Variants in INSL6 observed in about 807,000 individuals in gnomAD.
The protein encoded by INSL6 is insulin like 6, also known as insulin-like peptide INSL6.
INSL6 carries 16 observed loss-of-function variants against 9.4 expected under a neutral mutation model. The observed-to-expected ratio is 1.70, with a 90% CI of 1.15 to 2.59. INSL6 has a LOEUF of 2.59. INSL6 is among the 30% of genes most tolerant of loss of function. The probability of loss-of-function intolerance (pLI) is 0.00; values close to 1 mark genes in which losing one functional copy is unlikely to be tolerated. For missense variants in INSL6, 391 were observed against 257.3 expected (o/e 1.52, Z -3.56); for synonymous variants, 154 against 96.9 (o/e 1.59, Z -3.46).
At chr9:5,138,699 C>T (rs183029404) in intron 2 of INSL6, among the ~76,000 whole-genome samples, 84 of 148,920 alleles carry the variant, frequency 5.6e-4, no homozygotes, top group African/African-American at 1.6e-3. Context: ...CCTGCACTTT[C>T]GGTACATGTA....
chr9:5,163,762 A>G, downstream of INSL6: 2 of 601,440 alleles, frequency 3.3e-6, no homozygotes, highest in Non-Finnish European at 5.8e-6. Flanking sequence ...AAATACTAAG[A>G]TACCTATTAC....
intron 1 of INSL6, among the ~76,000 whole-genome samples, chr9:5,177,016 A>G (rs961386852): frequency 4.9e-4 from 75 of 152,338 alleles, no homozygotes; most frequent in African/African-American, 1.7e-3. Flanking sequence ...AGAATAGAAT[A>G]TAAGTAATTT....
downstream of INSL6, among the ~76,000 whole-genome samples, chr9:5,162,318 A>G (rs1333222228): frequency 3.9e-5 from 6 of 152,238 alleles, no homozygotes; most frequent in Non-Finnish European, 8.8e-5. Context: ...TTAAATATTA[A>G]AAGGCTGACA....
the INSL6 span, chr9:5,101,107 A>C: frequency 2.1e-4 from 32 of 152,436 alleles, no homozygotes; most frequent in African/African-American, 7.5e-4. Flanking sequence ...ACAAGGGGTC[A>C]GGGGATTTCC....
At chr9:5,098,062 A>C in the INSL6 span, 1 of 152,214 alleles carries the variant, frequency 6.6e-6, no homozygotes, top group African/African-American at 2.4e-5. Context: ...TTATGCTAAC[A>C]ATTTTTATAA....
the INSL6 span, chr9:5,041,804 G>T: frequency 2.1e-6 from 1 of 485,574 alleles, no homozygotes; most frequent in Non-Finnish European, 4.1e-6. Flanking sequence ...AAGATCAGCC[G>T]CACAGCAAAA....
the INSL6 span, among the ~76,000 whole-genome samples, chr9:5,034,235 A>T: frequency 1.3e-5 from 2 of 152,232 alleles, no homozygotes; most frequent in Admixed American, 1.3e-4. Flanking sequence ...ACCCAGATTC[A>T]TAAAGCAAGT....
At chr9:5,151,942 G>A (rs934480687) in intron 2 of INSL6, among the ~76,000 whole-genome samples, 1 of 152,030 alleles carries the variant, frequency 6.6e-6, no homozygotes, top group Non-Finnish European at 1.5e-5. Flanking sequence ...AAAAGATTGG[G>A]AAAATGATAT....
the INSL6 span, among the ~76,000 whole-genome samples, chr9:5,032,185 G>A: frequency 2.6e-5 from 4 of 152,226 alleles, no homozygotes; most frequent in Non-Finnish European, 5.9e-5. Context: ...CTGCAAGGTG[G>A]CAGCGAGGCT....
the INSL6 span, among the ~76,000 whole-genome samples, chr9:5,008,743 G>A: frequency 4.6e-5 from 7 of 152,134 alleles, no homozygotes; most frequent in Admixed American, 4.6e-4. Context: ...TCTCCTCTCA[G>A]CAGATCTTTT....
At chr9:5,004,147 T>G in the INSL6 span, among the ~76,000 whole-genome samples, 1 of 152,178 alleles carries the variant, frequency 6.6e-6, no homozygotes. Context: ...GTGAGAACAC[T>G]TAAAATCTAC....
chr9:5,069,509 T>A, the INSL6 span, among the ~76,000 whole-genome samples: 1 of 152,052 alleles, frequency 6.6e-6, no homozygotes, highest in Non-Finnish European at 1.5e-5. Flanking sequence ...TAAGTAAAAA[T>A]TTTCATATAC....
At chr9:5,055,830 T>G in the INSL6 span, 2 of 1,540,768 alleles carry the variant, frequency 1.3e-6, no homozygotes, top group African/African-American at 2.7e-5. Flanking sequence ...CATTTTATAG[T>G]TCTCAGAAAT....
the INSL6 span, chr9:5,108,380 A>G: frequency 6.6e-6 from 1 of 152,058 alleles, no homozygotes; most frequent in African/African-American, 2.4e-5. Context: ...TATTGTACAC[A>G]CTAGTAGGGT....
chr9:5,098,235 G>C, the INSL6 span: 1 of 152,070 alleles, frequency 6.6e-6, no homozygotes, highest in Non-Finnish European at 1.5e-5. Context: ...CCAGAAACTG[G>C]TTTCAAGCCA....
the INSL6 span, chr9:5,029,867 T>C: frequency 6.2e-7 from 1 of 1,612,544 alleles, no homozygotes; most frequent in Non-Finnish European, 8.5e-7. Context: ...GTCTTCCATA[T>C]AGATGAGTCA....
At chr9:5,044,951 T>C in the INSL6 span, among the ~76,000 whole-genome samples, 1 of 152,152 alleles carries the variant, frequency 6.6e-6, no homozygotes, top group Admixed American at 6.5e-5. Context: ...AAAAATGAGC[T>C]CTGATAGTTT....
chr9:5,071,520 A>G, the INSL6 span, among the ~76,000 whole-genome samples: 1 of 152,216 alleles, frequency 6.6e-6, no homozygotes, highest in Non-Finnish European at 1.5e-5. Context: ...CCTCATTGAC[A>G]TTAAAACAGA....
downstream of INSL6, among the ~76,000 whole-genome samples, chr9:5,161,931 A>G (rs1056813358): frequency 5.5e-4 from 83 of 152,012 alleles, no homozygotes; most frequent in Non-Finnish European, 1.0e-3. Flanking sequence ...AAAAATATAA[A>G]AAATTAGCCA....
Sources: allele counts gnomAD v4.1 joint callset (sites outside exome capture counted in the v4.1 genomes callset), GRCh38; gene constraint gnomAD v4.1.1; transcripts MANE v1.5; gene names NCBI Gene and HGNC (gene_info 2026-07-23, HGNC 2026-07-21).